SDK1: variants seen among roughly 807,000 people sequenced by gnomAD.
SDK1 encodes the protein sidekick cell adhesion molecule 1, also known as protein sidekick-1.
SDK1 carries 157 observed loss-of-function variants against 245.5 expected under a neutral mutation model. That is an observed-to-expected ratio of 0.64 (90% confidence interval 0.56 to 0.73). The LOEUF (loss-of-function observed/expected upper bound fraction) is 0.73, where lower values mean the gene tolerates loss of function less well. SDK1 is among the 30% of genes least tolerant of loss of function. The pLI is 0.00. For synonymous variants in SDK1, 1,647 were observed against 1,278.5 expected (o/e 1.29, Z -6.15); for missense variants, 3,583 against 3,002.3 (o/e 1.19, Z -4.52).
chr7:3,635,044 T>C (rs1782412874), intron 2 of SDK1, among the ~76,000 whole-genome samples: 1 of 152,238 alleles, frequency 6.6e-6, no homozygotes, highest in African/African-American at 2.4e-5. Context: ...CAAAAACTTT[T>C]GTTGACTTTG....
chr7:3,965,263 G>A lies in SDK1; in HGVS notation c.1430-2055G>A, dbSNP rs10229015. Among the ~76,000 whole-genome samples, 533 of 152,182 alleles carry A rather than the reference G, an allele frequency of 3.5e-3. 6 individuals carry two copies. The highest frequency in any genetic ancestry group is 0.012 in the African/African-American group (514 of 41,518). On this transcript the variant is annotated intron_variant, in intron 9 of 44. Coordinates refer to ENST00000404826, the MANE Select transcript of SDK1 (RefSeq NM_152744.4). ...AATCTCCATTCCAGTGAGAGACTTA[G>A]GAATGAGAATAAAAAAGAACCCAGA...
At chr7:4,207,175 G>A (rs924986152) in intron 36 of SDK1, among the ~76,000 whole-genome samples, 3 of 152,178 alleles carry the variant, frequency 2.0e-5, no homozygotes, top group East Asian at 1.9e-4. Flanking sequence ...AGAGCAAGGC[G>A]GGCGGGTGTG....
intron 1 of SDK1, among the ~76,000 whole-genome samples, chr7:3,467,866 C>T (rs1351513843): frequency 6.6e-6 from 1 of 151,976 alleles, no homozygotes; most frequent in South Asian, 2.1e-4. Context: ...CTGATAAATG[C>T]TTGGAGGAAT....
intron 4 of SDK1, among the ~76,000 whole-genome samples, chr7:3,709,654 A>AG (rs1784985209): frequency 6.6e-6 from 1 of 152,206 alleles, no homozygotes; most frequent in African/African-American, 2.4e-5. Flanking sequence ...TTTCTTTCCA[A>AG]GGGGGAGACG....
At chr7:3,366,898 T>A (rs1417829680) in intron 1 of SDK1, among the ~76,000 whole-genome samples, 1 of 151,922 alleles carries the variant, frequency 6.6e-6, no homozygotes, top group African/African-American at 2.4e-5. Flanking sequence ...TGCACCACCA[T>A]GCCCAGCTAA....
chr7:3,544,197 G>T (rs1311949347), intron 1 of SDK1, among the ~76,000 whole-genome samples: 1 of 152,224 alleles, frequency 6.6e-6, no homozygotes, highest in African/African-American at 2.4e-5. Context: ...GTAGAGTTCT[G>T]TAAGAATTCT....
intron 4 of SDK1, among the ~76,000 whole-genome samples, chr7:3,717,587 C>G (rs1269365384): frequency 2.0e-5 from 3 of 151,988 alleles, no homozygotes; most frequent in Middle Eastern, 3.2e-3. Context: ...ATGAAATGAC[C>G]TATCACTATG....
intron 1 of SDK1, among the ~76,000 whole-genome samples, chr7:3,598,725 G>T (rs1366587338): frequency 1.3e-5 from 2 of 152,166 alleles, no homozygotes; most frequent in Non-Finnish European, 2.9e-5. Flanking sequence ...GTGACCTTTT[G>T]GGATCACATT....
chr7:3,514,954 A>G (rs1782695487), intron 1 of SDK1, among the ~76,000 whole-genome samples: 1 of 152,246 alleles, frequency 6.6e-6, no homozygotes, highest in Non-Finnish European at 1.5e-5. Context: ...AATACAAATC[A>G]GAACAATAAT....
intron 19 of SDK1, among the ~76,000 whole-genome samples, chr7:4,059,282 A>G (rs1156893170): frequency 6.6e-6 from 1 of 152,244 alleles, no homozygotes; most frequent in African/African-American, 2.4e-5. Context: ...ACAGAAAGCA[A>G]AAGTGAACAG....
At chr7:4,190,990 G>A (rs1783171057) in intron 35 of SDK1, among the ~76,000 whole-genome samples, 1 of 152,206 alleles carries the variant, frequency 6.6e-6, no homozygotes, top group African/African-American at 2.4e-5. Flanking sequence ...TCTGGGGCCT[G>A]TGTCCACCCA....
intron 14 of SDK1, among the ~76,000 whole-genome samples, chr7:4,001,135 C>T (rs1212837637): frequency 1.3e-5 from 2 of 152,174 alleles, no homozygotes; most frequent in Non-Finnish European, 2.9e-5. Flanking sequence ...GTGGTGACCG[C>T]ACGGTGCGGA....
chr7:3,373,013 CAAGTA>C (rs1237824933), intron 1 of SDK1, among the ~76,000 whole-genome samples: 2 of 152,142 alleles, frequency 1.3e-5, no homozygotes, highest in Non-Finnish European at 2.9e-5. Flanking sequence ...AAAGTAACAT[CAAGTA>C]GAGTTTATTC....
At chr7:3,929,459 G>A (rs113902444) in intron 5 of SDK1, among the ~76,000 whole-genome samples, 8 of 152,212 alleles carry the variant, frequency 5.3e-5, no homozygotes, top group Admixed American at 1.3e-4. Flanking sequence ...AAAGCATTCC[G>A]TATTTATTCC....
At chr7:4,027,879 C>T (rs147827343) in intron 17 of SDK1, among the ~76,000 whole-genome samples, 1 of 151,618 alleles carries the variant, frequency 6.6e-6, no homozygotes. Context: ...GGAGAAGGGG[C>T]TTGTGGGAAC....
In SDK1 at chr7:3,844,039, C is replaced by G. The variant is rs530201718; in HGVS notation, c.847+22456C>G. Among the ~76,000 whole-genome samples, 3 of 152,244 alleles carry G rather than the reference C, an allele frequency of 2.0e-5. No individual in the cohort carries two copies. In the East Asian group the frequency reaches 5.8e-4, roughly 29 times the overall value. The stretch of plus-strand genomic sequence containing the variant: ...AGGCTGGAGTACAGTGGTGTGATCT[C>G]TACTCACTGCAACCTCCACCTCCCG... On this transcript the variant is annotated intron_variant, in intron 5 of 44. Transcript: ENST00000404826.
chr7:3,628,460 C>T (rs916113006), intron 2 of SDK1, among the ~76,000 whole-genome samples: 2 of 152,118 alleles, frequency 1.3e-5, no homozygotes, highest in African/African-American at 2.4e-5. Flanking sequence ...ATGTAGTTCC[C>T]TTCTGCAGAA....
chr7:3,929,316 C>CTG (rs1483997194), intron 5 of SDK1, among the ~76,000 whole-genome samples: 1 of 152,242 alleles, frequency 6.6e-6, no homozygotes, highest in East Asian at 1.9e-4. Context: ...GCTTGGCCAG[C>CTG]TGTAATCTGC....
At chr7:3,363,299 A>G (rs924581446) in intron 1 of SDK1, among the ~76,000 whole-genome samples, 3 of 151,990 alleles carry the variant, frequency 2.0e-5, no homozygotes, top group Non-Finnish European at 4.4e-5. Context: ...TATTTCAGTA[A>G]TTCATTTCTT....
Sources: allele counts gnomAD v4.1 joint callset (sites outside exome capture counted in the v4.1 genomes callset), GRCh38; gene constraint gnomAD v4.1.1; transcripts MANE v1.5; gene names NCBI Gene and HGNC (gene_info 2026-07-23, HGNC 2026-07-21).